SOX5: variants seen among roughly 807,000 people sequenced by gnomAD.
SOX5 encodes transcription factor SOX-5.
In SOX5, 9 loss-of-function variants were observed where a neutral mutation model predicts 92.0. The ratio of observed to expected loss-of-function variants is 0.10; its 90% CI spans 0.06 to 0.17. The LOEUF (loss-of-function observed/expected upper bound fraction) is 0.17, where lower values mean the gene tolerates loss of function less well. Ranked by LOEUF, SOX5 falls within the 10% of genes least tolerant of loss-of-function variation. The pLI, the probability that SOX5 is intolerant of heterozygous loss-of-function variation, is 1.00. For synonymous variants in SOX5, 344 were observed against 336.3 expected, an observed-to-expected ratio of 1.02 and a Z score of -0.25; for missense variants, 642 against 944.5, an observed-to-expected ratio of 0.68 and a Z score of 4.20.
In SOX5 at chr12:24,276,199, C is replaced by T. The variant is rs771264200; in HGVS notation, c.-77+1017G>A. 7.2e-5 allele frequency among the ~76,000 whole-genome samples: 11 copies of T among 151,914 alleles called. No individual in the cohort carries two copies. The East Asian group carries it at 9.6e-4, about 13-fold the overall frequency. ...TTTGTTAGTATAAAAATCCATTATT[C>T]GCTATGTTTTCTTCTATATTATATT... On this transcript the variant is annotated intron_variant, in intron 3 of 4. Transcript: ENST00000446891.
chr12:23,747,436 C>CA (rs1567435632), intron 4 of SOX5, among the ~76,000 whole-genome samples: 2 of 152,134 alleles, frequency 1.3e-5, no homozygotes, highest in African/African-American at 2.4e-5. Context: ...CTTTATTCTG[C>CA]ACATGGAATA....
intron 3 of SOX5, among the ~76,000 whole-genome samples, chr12:24,228,719 C>T (rs561831033): frequency 3.4e-4 from 52 of 152,244 alleles, no homozygotes; most frequent in Middle Eastern, 3.4e-3. Flanking sequence ...ACACACCCCA[C>T]ATACATACCA....
intron 1 of SOX5, among the ~76,000 whole-genome samples, chr12:24,433,493 T>C (rs1384952667): frequency 6.6e-6 from 1 of 152,192 alleles, no homozygotes; most frequent in East Asian, 1.9e-4. Context: ...GTGGTAAGGA[T>C]AGACATTTGA....
At chr12:24,354,910 GA>G (rs1294926180) in intron 2 of SOX5, among the ~76,000 whole-genome samples, 1 of 152,176 alleles carries the variant, frequency 6.6e-6, no homozygotes, top group East Asian at 1.9e-4. Flanking sequence ...CTGGGGATGA[GA>G]GGGGAGATTC....
At chr12:23,888,565 TGAATG>T (rs2097096068) in intron 2 of SOX5, among the ~76,000 whole-genome samples, 1 of 152,188 alleles carries the variant, frequency 6.6e-6, no homozygotes, top group Non-Finnish European at 1.5e-5. Context: ...ACCACTGGAT[TGAATG>T]GAATTTTATG....
chr12:24,064,935 A>G (rs866841390), intron 4 of SOX5, among the ~76,000 whole-genome samples: 2 of 152,254 alleles, frequency 1.3e-5, no homozygotes, highest in Non-Finnish European at 2.9e-5. Flanking sequence ...AAGAAAGTTT[A>G]TATACATATA....
chr12:24,216,353 G>C (rs1256983864), intron 3 of SOX5, among the ~76,000 whole-genome samples: 2 of 152,138 alleles, frequency 1.3e-5, no homozygotes, highest in East Asian at 3.9e-4. Context: ...GCGTGGTGGC[G>C]GGCGGCTGTA....
chr12:24,181,055 T>C (rs1369654242), intron 4 of SOX5, among the ~76,000 whole-genome samples: 7 of 152,318 alleles, frequency 4.6e-5, no homozygotes, highest in African/African-American at 1.7e-4. Context: ...ACAATCTGTC[T>C]ACATCCCCTG....
intron 2 of SOX5, among the ~76,000 whole-genome samples, chr12:24,335,972 C>CTCATATATATATATATATATATATAT (rs769537310): frequency 1.0e-4 from 6 of 58,610 alleles, no homozygotes; most frequent in African/African-American, 3.9e-4. Context: ...GAAATGCTAT[C>CTCATATATATATATATATATATATAT]ATATATATAT....
chr12:23,835,734 A>G (rs1462358491), intron 3 of SOX5, among the ~76,000 whole-genome samples: 2 of 152,012 alleles, frequency 1.3e-5, no homozygotes, highest in Middle Eastern at 3.4e-3. Flanking sequence ...AAATGATAAT[A>G]GTAAATGATT....
At chr12:23,907,105 A>G (rs1200396916) in intron 1 of SOX5, among the ~76,000 whole-genome samples, 1 of 152,158 alleles carries the variant, frequency 6.6e-6, no homozygotes, top group Non-Finnish European at 1.5e-5. Flanking sequence ...CTATTGTTCT[A>G]TCGTTGAATA....
At chr12:23,950,655 T>C (rs540788222), upstream of SOX5, among the ~76,000 whole-genome samples, 2 of 152,338 alleles carry the variant, frequency 1.3e-5, no homozygotes, top group East Asian at 3.9e-4. Flanking sequence ...CCCCCCTGGC[T>C]GTGGATCTCT....
chr12:24,279,964 G>C (rs891162108), intron 2 of SOX5, among the ~76,000 whole-genome samples: 4 of 152,080 alleles, frequency 2.6e-5, no homozygotes, highest in African/African-American at 7.2e-5. Flanking sequence ...AGTTGAGAAA[G>C]AAGGGGTTAA....
intron 6 of SOX5, among the ~76,000 whole-genome samples, chr12:23,706,065 T>A (rs892613750): frequency 6.6e-5 from 10 of 152,016 alleles, no homozygotes; most frequent in African/African-American, 2.4e-4. Context: ...ATGACATGGT[T>A]GAAATAACTT....
At chr12:24,148,858 A>G (rs1402538761) in intron 4 of SOX5, among the ~76,000 whole-genome samples, 2 of 123,614 alleles carry the variant, frequency 1.6e-5, no homozygotes, top group Non-Finnish European at 3.4e-5. Context: ...CCATTGCACC[A>G]CAGCCTGGGT....
intron 4 of SOX5, among the ~76,000 whole-genome samples, chr12:24,002,237 G>C (rs1174628607): frequency 6.6e-6 from 1 of 151,586 alleles, no homozygotes; most frequent in Non-Finnish European, 1.5e-5. Context: ...ATAGAGAATA[G>C]TAAAACAAGA....
intron 3 of SOX5, among the ~76,000 whole-genome samples, chr12:24,222,623 C>T (rs1188023926): frequency 6.6e-6 from 1 of 151,940 alleles, no homozygotes; most frequent in Non-Finnish European, 1.5e-5. Context: ...AAGAATTTCG[C>T]AAAATGAGGG....
chr12:23,605,220 T>G (rs2075095228), intron 8 of SOX5, among the ~76,000 whole-genome samples: 1 of 152,118 alleles, frequency 6.6e-6, no homozygotes, highest in Admixed American at 6.6e-5. Context: ...CCATTACTTA[T>G]TCTTATTAAA....
At chr12:24,233,051 G>T (rs1212293700) in intron 3 of SOX5, among the ~76,000 whole-genome samples, 1 of 152,152 alleles carries the variant, frequency 6.6e-6, no homozygotes, top group African/African-American at 2.4e-5. Flanking sequence ...GGCTTTAGGG[G>T]ATTGAAGTAG....
Sources: gnomAD v4.1 joint callset for allele counts (sites outside exome capture counted in the v4.1 genomes callset) on GRCh38, gnomAD v4.1.1 for gene constraint, MANE v1.5 for transcripts, NCBI Gene and HGNC (gene_info 2026-07-23, HGNC 2026-07-21) for gene names.